Variants in BCS1L observed in about 807,000 individuals in gnomAD.
BCS1L encodes the protein mitochondrial chaperone BCS1.
BCS1L carries 38 observed loss-of-function variants against 49.3 expected under a neutral mutation model. The ratio of observed to expected loss-of-function variants is 0.77; its 90% CI spans 0.59 to 1.01. The LOEUF is 1.01. BCS1L is among the 50% of genes least tolerant of loss of function. BCS1L has a pLI of 0.00. For synonymous variants in BCS1L, 193 were observed against 210.1 expected, an observed-to-expected ratio of 0.92 and a Z score of 0.70; for missense variants, 394 against 540.2, an observed-to-expected ratio of 0.73 and a Z score of 2.68.
chr2:218,663,331 T>A lies in BCS1L; in HGVS notation c.1205T>A (p.Leu402Gln). 1 of 1,614,202 alleles carries A rather than the reference T, an allele frequency of 6.2e-7. No homozygotes were observed. ...SPAQVQGYFM[L>Q]YKNDPVGAIH... Reference sequence around the variant, plus strand: ...GCCCAGGTGCAGGGCTACTTCATGCTGTATAAAAATGACCCTGTAGGGGCA... The same window carrying A: ...GCCCAGGTGCAGGGCTACTTCATGCAGTATAAAAATGACCCTGTAGGGGCA... The change falls in exon 8 of 8, where the codon CTG becomes CAG. Residue 402 changes from leucine (L) to glutamine (Q), a missense_variant. Coordinates refer to ENST00000359273, the MANE Select transcript of BCS1L (RefSeq NM_001079866.2).
intron 1 of BCS1L, 33 bp from the exon 2 acceptor site, chr2:218,660,906 C>T: frequency 2.0e-6 from 3 of 1,500,408 alleles, no homozygotes; most frequent in Non-Finnish European, 1.8e-6. Flanking sequence ...CTAATCTGTG[C>T]TTTGTCCCAT....
At chr2:218,660,470 G>T in intron 1 of BCS1L, 1 of 162,730 alleles carries the variant, frequency 6.1e-6, no homozygotes, top group South Asian at 1.6e-4. Flanking sequence ...TTTAAAGACA[G>T]TTTAGGTGGG....
upstream of BCS1L, chr2:218,658,933 C>T (rs989527756): frequency 3.3e-5 from 5 of 152,324 alleles, no homozygotes; most frequent in Non-Finnish European, 5.9e-5. Context: ...AACAACGGGC[C>T]CCGGCCTAGC....
rs2106326243 is a variant in BCS1L, at chr2:218,661,865, T to C, written c.567T>C (p.Asn189=). The C allele has an allele frequency of 3.7e-6, 6 of 1,614,216 alleles. No individual in the cohort carries two copies. Among genetic ancestry groups the C allele is most frequent in the East Asian group, 2.2e-5 (1 of 44,888 alleles). The change falls in exon 4 of 8, where the codon AAT becomes AAC. Residue 189 remains asparagine (N), a synonymous_variant. Coordinates refer to ENST00000359273, the MANE Select transcript of BCS1L (RefSeq NM_001079866.2). The surrounding 1 kb of genome is among the most constrained non-coding windows in gnomAD (Gnocchi z 5.9). ...FGYPRRRRPL[N]SVVLQQGLAD... ...ATCCACGCCGCCGGCGACCACTGAATTCTGTGGTTCTACAACAGGGTCTGG... is the reference window on the plus strand; with the variant it reads ...ATCCACGCCGCCGGCGACCACTGAACTCTGTGGTTCTACAACAGGGTCTGG...
chr2:218,662,218 A>T lies in BCS1L; in HGVS notation c.677A>T (p.Tyr226Phe). Residue 226 changes from tyrosine to phenylalanine, a missense_variant, in exon 5 of 8, where the codon TAC becomes TTC. Tyr to Phe is a conservative substitution (Grantham distance 22, BLOSUM62 3). Coordinates refer to ENST00000359273, the MANE Select transcript of BCS1L (RefSeq NM_001079866.2). This position sits in a 1 kb window ranked among gnomAD's most constrained non-coding sequence, Gnocchi z 5.8. ...TDRGIPYRRG[Y>F]LLYGPPGCGK... ...CTAGGCATTCCTTACAGACGTGGCT[A>T]CCTGCTTTATGGGCCCCCTGGTTGC... 6.2e-7 allele frequency: 1 copy of T among 1,614,014 alleles called. No homozygotes were observed. The highest frequency in any genetic ancestry group is 8.5e-7 in the Non-Finnish European group (1 of 1,179,908).
chr2:218,661,863 A>G lies in BCS1L; in HGVS notation c.565A>G (p.Asn189Asp). 2.5e-6 allele frequency: 4 copies of G among 1,614,194 alleles called. No homozygotes were observed. Among genetic ancestry groups the G allele is most frequent in the Non-Finnish European group, 3.4e-6 (4 of 1,180,030 alleles). The change falls in exon 4 of 8, where the codon AAT becomes GAT. Residue 189 changes from asparagine to aspartate, a missense_variant. Coordinates refer to ENST00000359273, the MANE Select transcript of BCS1L (RefSeq NM_001079866.2). The surrounding 1 kb of genome is among the most constrained non-coding windows in gnomAD (Gnocchi z 5.9). ...FGYPRRRRPLNSVVLQQGLAD... is the reference protein window; with the variant it reads ...FGYPRRRRPLDSVVLQQGLAD... The stretch of plus-strand genomic sequence containing the variant: ...CTATCCACGCCGCCGGCGACCACTG[A>G]ATTCTGTGGTTCTACAACAGGGTCT...
At position 218,662,925 on chromosome 2, in the gene BCS1L, G is replaced by A. The variant is rs1464431320; in HGVS notation, c.932G>A (p.Gly311Glu). ...GGCCTAGGTCGCCTCACCTTCAGTG[G>A]ACTGCTCAATGCCTTGGATGGTGTG... ...YQGLGRLTFS[G>E]LLNALDGVAS... Residue 311 changes from glycine to glutamate, a missense_variant, in exon 7 of 8, where the codon GGA becomes GAA. Gly to Glu is a moderately conservative substitution (Grantham distance 98). Coordinates refer to ENST00000359273, the MANE Select transcript of BCS1L (RefSeq NM_001079866.2). This position sits in a 1 kb window ranked among gnomAD's most constrained non-coding sequence, Gnocchi z 5.8. 1.2e-6 allele frequency: 2 copies of A among 1,614,134 alleles called. No individual in the cohort carries two copies. The highest frequency in any genetic ancestry group is 4.5e-5 in the East Asian group (2 of 44,892).
At position 218,660,409 on chromosome 2, in the gene BCS1L, C is replaced by T. The variant is rs115162602; in HGVS notation, c.-49-530C>T. On this transcript the variant is annotated intron_variant, in intron 1 of 7. Transcript: ENST00000359273. ...GATCTGGACCCTTGTGTAGATGTTC[C>T]GTGAAGCAGGAGGTGAAGACCTATT... 757 of 153,448 alleles carry T rather than the reference C, an allele frequency of 4.9e-3. 11 individuals are homozygous for T. The highest frequency in any genetic ancestry group is 0.017 in the African/African-American group (721 of 41,236). 9.5% of individuals were successfully genotyped at this position (153,448 alleles called of 1,614,324 possible).
rs780538960 is a variant in BCS1L, at chr2:218,660,999, A to T, written c.12A>T (p.Ser4=). ...GTTTCCCTTTCAAGATGCCACTTTC[A>T]GACTTTATTCTGGCTCTGAAGGACA... The part of the protein sequence containing the change: MPL[S]DFILALKDNP... Residue 4 remains serine, a synonymous_variant, in exon 2 of 8, where the codon TCA becomes TCT. Transcript: ENST00000359273. 2.5e-6 allele frequency: 4 copies of T among 1,613,794 alleles called. No homozygotes were observed. The highest frequency in any genetic ancestry group is 3.4e-6 in the Non-Finnish European group (4 of 1,180,032).
In BCS1L at chr2:218,662,878, T is replaced by A; in HGVS notation, c.890-5T>A. On this transcript the variant is annotated splice_polypyrimidine_tract_variant and splice_region_variant and intron_variant, in intron 6 of 7. Coordinates refer to ENST00000359273, the MANE Select transcript of BCS1L (RefSeq NM_001079866.2). The surrounding 1 kb of genome is among the most constrained non-coding windows in gnomAD (Gnocchi z 5.8). ...TCATGCTTCCTTATCTTTGCCTTCC[T>A]CCAGACCCAGTAAAGTACCAAGGCC... The A allele has an allele frequency of 6.2e-7, 1 of 1,613,762 alleles. No individual in the cohort carries two copies. Among genetic ancestry groups the A allele is most frequent in the Non-Finnish European group, 8.5e-7 (1 of 1,179,684 alleles).
At chr2:218,660,851 A>T in intron 1 of BCS1L, 88 bp from the exon 2 acceptor site, 1 of 928,912 alleles carries the variant, frequency 1.1e-6, no homozygotes, top group Non-Finnish European at 1.7e-6. Flanking sequence ...GTATTGACCC[A>T]CACAGTAATG....
Position 218,661,522 on chromosome 2 carries a change from T to C in BCS1L, c.437T>C (p.Val146Ala). Residue 146 changes from valine (V) to alanine (A), a missense_variant, in exon 3 of 8, where the codon GTT becomes GCT. Coordinates refer to ENST00000359273, the MANE Select transcript of BCS1L (RefSeq NM_001079866.2). This position sits in a 1 kb window ranked among gnomAD's most constrained non-coding sequence, Gnocchi z 5.9. The part of the protein sequence containing the change: ...TFTALGTDRK[V>A]FFNILEEARE... ...ACGGCCCTGGGCACTGACCGAAAGG[T>C]TTTCTTCAACATCCTGGAGGAAGGT... is the stretch of plus-strand genomic sequence containing the variant. 3 of 1,614,050 alleles carry C rather than the reference T, an allele frequency of 1.9e-6. No homozygotes were observed. Among genetic ancestry groups the C allele is most frequent in the Non-Finnish European group, 2.5e-6 (3 of 1,180,002 alleles).
Position 218,661,871 on chromosome 2 carries a change from G to A in BCS1L, c.573G>A (p.Val191=). 6.2e-7 allele frequency: 1 copy of A among 1,614,184 alleles called. No individual in the cohort carries two copies. Among genetic ancestry groups the A allele is most frequent in the Non-Finnish European group, 8.5e-7 (1 of 1,180,028 alleles). Residue 191 remains valine, a synonymous_variant, in exon 4 of 8, where the codon GTG becomes GTA. Transcript: ENST00000359273. The surrounding 1 kb of genome is among the most constrained non-coding windows in gnomAD (Gnocchi z 5.9). ...YPRRRRPLNS[V]VLQQGLADRI... The stretch of plus-strand genomic sequence containing the variant: ...GCCGCCGGCGACCACTGAATTCTGT[G>A]GTTCTACAACAGGGTCTGGCTGACC...
At position 218,661,103 on chromosome 2, in the gene BCS1L, G is replaced by A. The variant is rs1332530720; in HGVS notation, c.116G>A (p.Gly39Asp). 1 of 1,614,096 alleles carries A rather than the reference G, an allele frequency of 6.2e-7. No homozygotes were observed. Among genetic ancestry groups the A allele is most frequent in the Non-Finnish European group, 8.5e-7 (1 of 1,180,046 alleles). Residue 39 changes from glycine (G) to aspartate (D), a missense_variant, in exon 2 of 8, where the codon GGC (glycine) becomes GAC (aspartate). Transcript: ENST00000359273. The surrounding 1 kb of genome is among the most constrained non-coding windows in gnomAD (Gnocchi z 5.9). ...CTGGCCCGGAAGGGTGTCCAACTGGGCCTGGTGGCATTCCGGCGCCATTAC... is the reference window on the plus strand; with the variant it reads ...CTGGCCCGGAAGGGTGTCCAACTGGACCTGGTGGCATTCCGGCGCCATTAC... The part of the protein sequence containing the change: ...LALARKGVQL[G>D]LVAFRRHYMI...
At chr2:218,660,393 C>G (rs1437508572) in intron 1 of BCS1L, 2 of 159,532 alleles carry the variant, frequency 1.3e-5, no homozygotes, top group East Asian at 1.8e-4. Flanking sequence ...AGATCTGGAC[C>G]CTTGTGTAGA....
Position 218,662,207 on chromosome 2 carries a change from C to G in BCS1L, c.666C>G (p.Tyr222Ter). 6.2e-7 allele frequency: 1 copy of G among 1,613,976 alleles called. No homozygotes were observed. The highest frequency in any genetic ancestry group is 8.5e-7 in the Non-Finnish European group (1 of 1,179,850). The change falls in exon 5 of 8, where the codon TAC (tyrosine) becomes TAG (stop). Residue 222 changes from tyrosine to a stop codon, truncating the protein, a stop_gained. Coordinates refer to ENST00000359273, the MANE Select transcript of BCS1L (RefSeq NM_001079866.2). LOFTEE classifies it high-confidence loss of function. The surrounding 1 kb of genome is among the most constrained non-coding windows in gnomAD (Gnocchi z 5.8). ...PKWYTDRGIP[Y>*]RRGYLLYGPP... is the part of the protein sequence containing the mutation. ...TGGCTCTATCCCTAGGCATTCCTTA[C>G]AGACGTGGCTACCTGCTTTATGGGC...
In BCS1L at chr2:218,661,828, G is replaced by A. The variant is rs143968821; in HGVS notation, c.530G>A (p.Arg177His). The A allele has an allele frequency of 1.3e-5, 21 of 1,614,166 alleles. No homozygotes were observed. The highest frequency in any genetic ancestry group is 2.2e-5 in the East Asian group (1 of 44,888). Residue 177 changes from arginine to histidine, a missense_variant, in exon 4 of 8, where the codon CGT becomes CAT. Coordinates refer to ENST00000359273, the MANE Select transcript of BCS1L (RefSeq NM_001079866.2). This position sits in a 1 kb window ranked among gnomAD's most constrained non-coding sequence, Gnocchi z 5.9. ...VMYTAVGSEWRPFGYPRRRRP... is the reference protein window; with the variant it reads ...VMYTAVGSEWHPFGYPRRRRP... Reference sequence around the variant, plus strand: ...TACACAGCTGTGGGCTCTGAATGGCGTCCCTTTGGCTATCCACGCCGCCGG... The same window carrying A: ...TACACAGCTGTGGGCTCTGAATGGCATCCCTTTGGCTATCCACGCCGCCGG...
chr2:218,660,712 A>G, intron 1 of BCS1L: 1 of 450,940 alleles, frequency 2.2e-6, no homozygotes, highest in Non-Finnish European at 4.1e-6. Flanking sequence ...TTTTTGGTTT[A>G]AGGCATCTCC....
At position 218,662,939 on chromosome 2, in the gene BCS1L, TTGGA is replaced by T. The variant is rs541260525; in HGVS notation, c.950_953del (p.Asp317ValfsTer12). 12 of 1,613,962 alleles carry T rather than the reference TTGGA, an allele frequency of 7.4e-6. No homozygotes were observed. Among genetic ancestry groups the T allele is most frequent in the Non-Finnish European group, 9.3e-6 (11 of 1,180,004 alleles). On this transcript the variant is annotated frameshift_variant, in exon 7 of 8. Transcript: ENST00000359273. LOFTEE classifies it high-confidence loss of function. This position sits in a 1 kb window ranked among gnomAD's most constrained non-coding sequence, Gnocchi z 5.8. The stretch of plus-strand genomic sequence containing the variant: ...CACCTTCAGTGGACTGCTCAATGCC[TTGGA>T]TGGTGTGGCTTCCACCGAGGCCCGC...
Sources: allele counts gnomAD v4.1 joint callset, GRCh38; gene constraint gnomAD v4.1.1; non-coding constraint Gnocchi (gnomAD v3.1); transcripts MANE v1.5; gene names NCBI Gene and HGNC (gene_info 2026-07-23, HGNC 2026-07-21).